Variants in USP54 observed in about 807,000 individuals in gnomAD.
USP54 encodes ubiquitin carboxyl-terminal hydrolase 54.
Under a neutral mutation model 170.5 loss-of-function variants are expected in USP54, and 87 were observed. The observed-to-expected ratio is 0.51, with a 90% confidence interval of 0.43 to 0.61. The LOEUF (loss-of-function observed/expected upper bound fraction) is 0.61, where lower values mean the gene tolerates loss of function less well. Ranked by LOEUF, USP54 falls within the 20% of genes least tolerant of loss-of-function variation. The pLI, the probability that USP54 is intolerant of heterozygous loss-of-function variation, is 0.00. For missense variants in USP54, 1,786 were observed against 2,047.8 expected, an observed-to-expected ratio of 0.87 and a Z score of 2.47; for synonymous variants, 655 against 742.8, an observed-to-expected ratio of 0.88 and a Z score of 1.92.
chr10:73,604,309 A>C (rs1007742155), intron 1 of USP54, among the ~76,000 whole-genome samples: 2 of 152,162 alleles, frequency 1.3e-5, no homozygotes, highest in African/African-American at 2.4e-5. Context: ...AACGTGGAGA[A>C]ATTGGTATCC....
At chr10:73,589,714 T>C (rs1423600815) in intron 1 of USP54, among the ~76,000 whole-genome samples, 1 of 152,130 alleles carries the variant, frequency 6.6e-6, no homozygotes, top group Non-Finnish European at 1.5e-5. Flanking sequence ...CTTGACTCAT[T>C]TCTGTTGGGA....
chr10:73,504,477 G>C, intron 22 of USP54: 1 of 224,062 alleles, frequency 4.5e-6, no homozygotes, highest in South Asian at 8.2e-5. Context: ...CACATACTGG[G>C]GGTGAGAGGA....
In USP54 at chr10:73,498,974, G is replaced by A. The variant is rs2133096761; in HGVS notation, c.4710C>T (p.Ala1570=). 1 of 1,614,158 alleles carries A rather than the reference G, an allele frequency of 6.2e-7. No individual in the cohort carries two copies. The highest frequency in any genetic ancestry group is 8.5e-7 in the Non-Finnish European group (1 of 1,180,040). The stretch of plus-strand genomic sequence containing the variant: ...GGCCCTTGCTTCTTTCTGGTAGTGT[G>A]GCAGTGTAGGTTAGTTGAGGATTGC... ...PGCNPQLTYT[A]TLPERSKGLQ... The change falls in exon 24 of 24, where the codon GCC becomes GCT. Residue 1570 remains alanine (A), a synonymous_variant. Coordinates refer to ENST00000687698, the MANE Select transcript of USP54 (RefSeq NM_001391956.1).
chr10:73,550,624 A>G (rs796978004), intron 4 of USP54, among the ~76,000 whole-genome samples: 24 of 152,310 alleles, frequency 1.6e-4, no homozygotes, highest in African/African-American at 5.1e-4. Context: ...AGTGTAACCG[A>G]TAACTATTTT....
chr10:73,507,009 AT>A (rs1230049605), intron 20 of USP54: 1 of 152,164 alleles, frequency 6.6e-6, no homozygotes, highest in African/African-American at 2.4e-5. Context: ...GAATAAATAC[AT>A]TATGGTTTAA....
chr10:73,556,647 G>A (rs2071152589), intron 4 of USP54, among the ~76,000 whole-genome samples: 1 of 152,050 alleles, frequency 6.6e-6, no homozygotes, highest in Non-Finnish European at 1.5e-5. Flanking sequence ...CCCGGGCTGA[G>A]TAATTTCTTA....
At chr10:73,551,871 G>T (rs1052663038) in intron 4 of USP54, among the ~76,000 whole-genome samples, 8 of 152,128 alleles carry the variant, frequency 5.3e-5, no homozygotes, top group African/African-American at 1.9e-4. Flanking sequence ...TCTTCAACTG[G>T]ATTTCCTCAA....
rs757326267 is a variant in USP54, at chr10:73,571,410, G to A, written c.240+11C>T. The stretch of plus-strand genomic sequence containing the variant: ...AATGGTAGTGAGAAGAAACTAATTG[G>A]AAGTACTTACCTTGAGAGCGCAAAA... On this transcript the variant is annotated intron_variant, in intron 4 of 23. Coordinates refer to ENST00000687698, the MANE Select transcript of USP54 (RefSeq NM_001391956.1). 3.4e-5 allele frequency: 54 copies of A among 1,610,744 alleles called. No individual in the cohort carries two copies. Among genetic ancestry groups the A allele is most frequent in the Non-Finnish European group, 4.5e-5 (53 of 1,178,020 alleles).
At chr10:73,622,119 T>C (rs1331213205) in intron 1 of USP54, among the ~76,000 whole-genome samples, 1 of 152,214 alleles carries the variant, frequency 6.6e-6, no homozygotes, top group East Asian at 1.9e-4. Context: ...TTCTACCATC[T>C]ACTAGCTCAA....
chr10:73,609,762 T>G (rs543128973), intron 1 of USP54, among the ~76,000 whole-genome samples: 1 of 150,720 alleles, frequency 6.6e-6, no homozygotes, highest in Admixed American at 6.7e-5. Context: ...GAGAAGCGCT[T>G]GAGCCTGGGA....
intron 1 of USP54, among the ~76,000 whole-genome samples, chr10:73,579,089 C>A (rs2076526883): frequency 6.6e-6 from 1 of 151,696 alleles, no homozygotes; most frequent in Non-Finnish European, 1.5e-5. Flanking sequence ...ACCCCCTTCC[C>A]CCAGTAGCTG....
chr10:73,565,388 T>C (rs1481120337), intron 4 of USP54, among the ~76,000 whole-genome samples: 1 of 151,908 alleles, frequency 6.6e-6, no homozygotes, highest in African/African-American at 2.4e-5. Context: ...TGGTAGCACC[T>C]GCCTGTGGTC....
chr10:73,587,169 T>C (rs1187971582), intron 1 of USP54, among the ~76,000 whole-genome samples: 1 of 152,062 alleles, frequency 6.6e-6, no homozygotes, highest in Admixed American at 6.6e-5. Flanking sequence ...AAGAACATAG[T>C]GGTTAAAAGT....
chr10:73,548,528 C>A (rs1359128815), intron 4 of USP54, among the ~76,000 whole-genome samples: 1 of 152,010 alleles, frequency 6.6e-6, no homozygotes, highest in African/African-American at 2.4e-5. Flanking sequence ...GGCACATATA[C>A]ACCATGGAAT....
At position 73,539,597 on chromosome 10, in the gene USP54, A is replaced by G. The variant is rs767162240; in HGVS notation, c.826-4T>C. 1.3e-6 allele frequency: 2 copies of G among 1,585,430 alleles called. No homozygotes were observed. Among genetic ancestry groups the G allele is most frequent in the Non-Finnish European group, 8.6e-7 (1 of 1,162,028 alleles). On this transcript the variant is annotated splice_region_variant and splice_polypyrimidine_tract_variant and intron_variant, in intron 9 of 23. Transcript: ENST00000687698. Reference sequence around the variant, plus strand: ...CATCCGTCACTCTGAAAAACAGCTGAGGGGAAAGAAGAGAAAAGAAAGCAC... The same window carrying G: ...CATCCGTCACTCTGAAAAACAGCTGGGGGGAAAGAAGAGAAAAGAAAGCAC...
intron 1 of USP54, among the ~76,000 whole-genome samples, chr10:73,600,130 C>T (rs2079053757): frequency 6.6e-6 from 1 of 152,068 alleles, no homozygotes; most frequent in African/African-American, 2.4e-5. Flanking sequence ...GAACTCCTGA[C>T]TTCAGGTGAT....
At chr10:73,516,350 C>T in intron 20 of USP54, 25 bp downstream of exon 20, 1 of 1,584,094 alleles carries the variant, frequency 6.3e-7, no homozygotes, top group South Asian at 1.2e-5. Flanking sequence ...TCCCCCCTCC[C>T]CCCAACCCCT....
chr10:73,543,657 C>T (rs927176883), intron 5 of USP54, among the ~76,000 whole-genome samples: 4 of 152,298 alleles, frequency 2.6e-5, no homozygotes, highest in African/African-American at 4.8e-5. Context: ...TGAGCCACCG[C>T]ACCCGGCACA....
chr10:73,521,539 C>T (rs796501068), intron 17 of USP54, among the ~76,000 whole-genome samples: 5 of 152,330 alleles, frequency 3.3e-5, no homozygotes, highest in African/African-American at 1.2e-4. Context: ...ATTCATACCA[C>T]TTATTTACTT....
Sources: gnomAD v4.1 joint callset for allele counts (sites outside exome capture counted in the v4.1 genomes callset) on GRCh38, gnomAD v4.1.1 for gene constraint, MANE v1.5 for transcripts, NCBI Gene and HGNC (gene_info 2026-07-23, HGNC 2026-07-21) for gene names.